The following KLRG1 variants were observed in gnomAD, a reference collection of about 807,000 sequenced individuals.
KLRG1 encodes killer cell lectin-like receptor subfamily G member 1.
A neutral mutation model predicts 21.8 loss-of-function variants in KLRG1; 16 were observed. That is an observed-to-expected ratio of 0.73 (90% CI 0.50 to 1.11). The LOEUF (loss-of-function observed/expected upper bound fraction) is 1.11, where lower values mean the gene tolerates loss of function less well. KLRG1 is among the 50% of genes most tolerant of loss of function. The probability of loss-of-function intolerance (pLI) is 0.00; values close to 1 mark genes in which losing one functional copy is unlikely to be tolerated. For synonymous variants in KLRG1, 69 were observed against 75.9 expected (o/e 0.91, Z 0.47); for missense variants, 173 against 218.3 (o/e 0.79, Z 1.31).
chr12:9,139,117 G>GT, the KLRG1 span, among the ~76,000 whole-genome samples: 2 of 151,762 alleles, frequency 1.3e-5, no homozygotes, highest in African/African-American at 2.4e-5. Flanking sequence ...TAATTTTAGT[G>GT]TTTTTTATTT....
the KLRG1 span, among the ~76,000 whole-genome samples, chr12:9,034,403 A>G: frequency 6.6e-6 from 1 of 152,178 alleles, no homozygotes; most frequent in African/African-American, 2.4e-5. Context: ...ACCTGATGAT[A>G]ATATGTGCCT....
intron 3 of KLRG1, among the ~76,000 whole-genome samples, chr12:8,996,318 A>G (rs922222377): frequency 4.6e-5 from 7 of 152,152 alleles, no homozygotes; most frequent in Non-Finnish European, 7.3e-5. Flanking sequence ...ATAAAAATCA[A>G]TCAAATTCTA....
chr12:9,133,793 C>T, the KLRG1 span, among the ~76,000 whole-genome samples: 2,502 of 152,160 alleles, frequency 0.016, 71 homozygotes, highest in African/African-American at 0.057. Context: ...AAGAGAATCA[C>T]GGTGAAAATA....
chr12:9,157,306 A>G, the KLRG1 span: 7 of 1,614,082 alleles, frequency 4.3e-6, no homozygotes, highest in African/African-American at 2.7e-5. Flanking sequence ...CTCCTTTGCT[A>G]CATTCCAGGC....
chr12:9,101,483 G>C, the KLRG1 span: 1 of 1,613,826 alleles, frequency 6.2e-7, no homozygotes, highest in South Asian at 1.1e-5. Context: ...GCCCCAGCAG[G>C]GTGCCTCCAT....
the KLRG1 span, chr12:9,064,625 C>T: frequency 1.9e-5 from 3 of 154,176 alleles, no homozygotes; most frequent in African/African-American, 7.2e-5. The surrounding 1 kb of genome is among the most constrained non-coding windows in gnomAD (Gnocchi z 4.0). Flanking sequence ...GAGCCTGCCG[C>T]CCTGGAAGCC....
chr12:8,970,762 T>C (rs910311981), intron 1 of KLRG1, among the ~76,000 whole-genome samples: 5 of 152,232 alleles, frequency 3.3e-5, no homozygotes, highest in Admixed American at 6.5e-5. Flanking sequence ...GTAGAAGCCA[T>C]TATCAAATTG....
At chr12:9,086,599 T>C in the KLRG1 span, among the ~76,000 whole-genome samples, 1 of 152,232 alleles carries the variant, frequency 6.6e-6, no homozygotes, top group African/African-American at 2.4e-5. Context: ...TGCTCTTTTA[T>C]GATAAAACTC....
chr12:9,119,156 A>G, the KLRG1 span, among the ~76,000 whole-genome samples: 1 of 152,246 alleles, frequency 6.6e-6, no homozygotes, highest in African/African-American at 2.4e-5. Context: ...AGCACACAAC[A>G]TTTTAAAAAA....
chr12:9,127,914 A>G, the KLRG1 span: 1 of 341,818 alleles, frequency 2.9e-6, no homozygotes, highest in Non-Finnish European at 5.8e-6. Context: ...CCTGCGGGAC[A>G]AGATTCTTGG....
At position 8,989,731 on chromosome 12, in the gene KLRG1, G is replaced by A. The variant is rs1481755048; in HGVS notation, c.82+14G>A. The A allele has an allele frequency of 3.2e-6, 5 of 1,546,016 alleles. No individual in the cohort carries two copies. Among genetic ancestry groups the A allele is most frequent in the Non-Finnish European group, 4.5e-6 (5 of 1,122,572 alleles). On this transcript the variant is annotated intron_variant, in intron 1 of 4. Transcript: ENST00000356986. Reference sequence around the variant, plus strand: ...CACAGCAAAAATGTGAGTTAACCAAGGTAGCATGGAAGACGATGCATAGCA... The same window carrying A: ...CACAGCAAAAATGTGAGTTAACCAAAGTAGCATGGAAGACGATGCATAGCA...
At chr12:9,025,015 CA>C in the KLRG1 span, among the ~76,000 whole-genome samples, 1 of 152,092 alleles carries the variant, frequency 6.6e-6, no homozygotes, top group East Asian at 1.9e-4. Context: ...GGGGAGGGAG[CA>C]CTTACTAGAA....
the KLRG1 span, among the ~76,000 whole-genome samples, chr12:9,033,277 A>C: frequency 1.5e-4 from 23 of 152,094 alleles, no homozygotes; most frequent in Non-Finnish European, 2.9e-4. Flanking sequence ...TCTCTAACAA[A>C]AATAAAAAAA....
At chr12:9,205,691 A>G in the KLRG1 span, among the ~76,000 whole-genome samples, 5 of 152,198 alleles carry the variant, frequency 3.3e-5, no homozygotes, top group Admixed American at 3.3e-4. Flanking sequence ...AGTAAAAACT[A>G]TTATTTTCTT....
intron 1 of KLRG1, among the ~76,000 whole-genome samples, chr12:8,958,294 G>A (rs1017862736): frequency 6.8e-6 from 1 of 146,424 alleles, no homozygotes; most frequent in Non-Finnish European, 1.5e-5. Flanking sequence ...CTATAACATT[G>A]TTTGACTATT....
the KLRG1 span, chr12:9,165,519 G>T: frequency 1.1e-6 from 1 of 885,272 alleles, no homozygotes; most frequent in Non-Finnish European, 1.7e-6. Context: ...ATTATGTCCT[G>T]GGATCTGAGT....
chr12:9,115,536 TTC>T, the KLRG1 span: 2 of 429,418 alleles, frequency 4.7e-6, no homozygotes, highest in Non-Finnish European at 8.4e-6. Flanking sequence ...AGCTAAAAAT[TTC>T]TGACACCCCT....
chr12:9,160,270 G>C, the KLRG1 span: 39 of 1,536,802 alleles, frequency 2.5e-5, no homozygotes, highest in Admixed American at 7.2e-4. Context: ...ATTGGGAAAA[G>C]TTTCATTAGA....
At chr12:9,185,062 G>C in the KLRG1 span, among the ~76,000 whole-genome samples, 3 of 152,166 alleles carry the variant, frequency 2.0e-5, no homozygotes, top group East Asian at 1.9e-4. Flanking sequence ...CTCCAGCAAG[G>C]GTTCTTAATA....
Sources: allele counts gnomAD v4.1 joint callset (sites outside exome capture counted in the v4.1 genomes callset), GRCh38; gene constraint gnomAD v4.1.1; non-coding constraint Gnocchi (gnomAD v3.1); transcripts MANE v1.5; gene names NCBI Gene and HGNC (gene_info 2026-07-23, HGNC 2026-07-21).